The following SIK2 variants were observed in gnomAD, a reference collection of about 807,000 sequenced individuals.
SIK2 encodes serine/threonine-protein kinase SIK2.
Under a neutral mutation model 103.2 loss-of-function variants are expected in SIK2, and 29 were observed. That is an observed-to-expected ratio of 0.28 (90% CI 0.21 to 0.38). The LOEUF is 0.38. Ranked by LOEUF, SIK2 falls within the 10% of genes least tolerant of loss-of-function variation. The probability of loss-of-function intolerance (pLI) is 1.00; values close to 1 mark genes in which losing one functional copy is unlikely to be tolerated. For synonymous variants in SIK2, 412 were observed against 446.1 expected (o/e 0.92, Z 0.96); for missense variants, 879 against 1,171.0 (o/e 0.75, Z 3.64).
intron 4 of SIK2, among the ~76,000 whole-genome samples, chr11:111,695,163 T>C (rs972866717): frequency 4.6e-5 from 7 of 152,232 alleles, no homozygotes; most frequent in Non-Finnish European, 7.3e-5. Context: ...TTCACTCCTA[T>C]TATAATTACA....
At chr11:111,661,734 G>A (rs568833466) in intron 3 of SIK2, among the ~76,000 whole-genome samples, 1 of 152,336 alleles carries the variant, frequency 6.6e-6, no homozygotes, top group South Asian at 2.1e-4. Context: ...GAAGGCGAAG[G>A]AGGAGCAAAG....
intron 3 of SIK2, chr11:111,671,314 T>C (rs150189747): frequency 1.0e-3 from 252 of 247,858 alleles, no homozygotes; most frequent in Middle Eastern, 1.3e-3. Flanking sequence ...CATGTCCTGA[T>C]TGGCCCATTG....
intron 1 of SIK2, among the ~76,000 whole-genome samples, chr11:111,612,635 C>T (rs917214003): frequency 6.6e-6 from 1 of 152,122 alleles, no homozygotes; most frequent in African/African-American, 2.4e-5. Flanking sequence ...TTTTTTCCTT[C>T]TGTCTAGCTG....
intron 9 of SIK2, 64 bp downstream of exon 9, chr11:111,712,439 A>G (rs1042806343): frequency 1.3e-6 from 2 of 1,521,278 alleles, no homozygotes; most frequent in African/African-American, 2.8e-5. Flanking sequence ...TTGGTCCACA[A>G]GTGTTGTACT....
chr11:111,638,877 T>G lies in SIK2; in HGVS notation c.316+18475T>G, dbSNP rs141702374. ...TGTTTAATTTTTTGTTGTTGTTGTTTTTTTGTTTTGTTTTGTTTTGGATGC... is the reference window on the plus strand; with the variant it reads ...TGTTTAATTTTTTGTTGTTGTTGTTGTTTTGTTTTGTTTTGTTTTGGATGC... On this transcript the variant is annotated intron_variant, in intron 3 of 14. Coordinates refer to ENST00000304987, the MANE Select transcript of SIK2 (RefSeq NM_015191.3). Among the ~76,000 whole-genome samples, 1,507 of 152,302 alleles carry G rather than the reference T, an allele frequency of 9.9e-3. 26 individuals are homozygous for G. Among genetic ancestry groups the G allele is most frequent in the South Asian group, 9.7e-3 (47 of 4,830 alleles).
chr11:111,634,797 A>G (rs1372953856), intron 3 of SIK2, among the ~76,000 whole-genome samples: 1 of 152,238 alleles, frequency 6.6e-6, no homozygotes, highest in African/African-American at 2.4e-5. Flanking sequence ...TTCCGGGCAC[A>G]TGTTGTATGG....
At chr11:111,621,456 TTA>T (rs1313791555) in intron 3 of SIK2, among the ~76,000 whole-genome samples, 1 of 151,338 alleles carries the variant, frequency 6.6e-6, no homozygotes, top group Non-Finnish European at 1.5e-5. Context: ...GCAAGTAGTA[TTA>T]TATTATATGA....
At chr11:111,649,776 ATGG>A (rs1942304393) in intron 3 of SIK2, among the ~76,000 whole-genome samples, 2 of 152,270 alleles carry the variant, frequency 1.3e-5, no homozygotes, top group African/African-American at 4.8e-5. Context: ...TGATGTCATG[ATGG>A]TGGTGGGAGT....
chr11:111,658,865 T>C (rs1220649355), intron 3 of SIK2, among the ~76,000 whole-genome samples: 1 of 152,038 alleles, frequency 6.6e-6, no homozygotes, highest in Non-Finnish European at 1.5e-5. Flanking sequence ...CAGAACTCAT[T>C]TGGGGAAGAG....
intron 4 of SIK2, among the ~76,000 whole-genome samples, chr11:111,698,871 C>G (rs1943144222): frequency 6.6e-6 from 1 of 152,216 alleles, no homozygotes; most frequent in Non-Finnish European, 1.5e-5. Flanking sequence ...GCTTCTTGTG[C>G]TGCTTTATCC....
chr11:111,651,216 A>T (rs1942322300), intron 3 of SIK2, among the ~76,000 whole-genome samples: 1 of 152,196 alleles, frequency 6.6e-6, no homozygotes, highest in Non-Finnish European at 1.5e-5. Flanking sequence ...TCTGAGTTTG[A>T]ATTGGAAACT....
intron 3 of SIK2, chr11:111,671,781 C>T (rs1942631079): frequency 7.2e-6 from 3 of 419,050 alleles, no homozygotes; most frequent in Admixed American, 3.0e-5. Context: ...ATGTAAGCTT[C>T]ATCCACATCC....
chr11:111,645,962 T>G (rs1203074570), intron 3 of SIK2, among the ~76,000 whole-genome samples: 2 of 152,164 alleles, frequency 1.3e-5, no homozygotes, highest in Admixed American at 6.5e-5. Context: ...GGTGGTTATG[T>G]AGGTATTTAT....
intron 4 of SIK2, among the ~76,000 whole-genome samples, chr11:111,699,471 T>C (rs950493349): frequency 6.6e-5 from 10 of 152,176 alleles, no homozygotes; most frequent in East Asian, 3.8e-4. Context: ...CACAGCATCC[T>C]ATCTGGGTAG....
intron 1 of SIK2, among the ~76,000 whole-genome samples, chr11:111,614,637 A>G (rs1941779283): frequency 1.3e-5 from 2 of 152,190 alleles, no homozygotes; most frequent in Non-Finnish European, 2.9e-5. Context: ...GAGGAGAAAG[A>G]AGAGAAGTTG....
intron 4 of SIK2, among the ~76,000 whole-genome samples, chr11:111,694,201 T>C (rs939795407): frequency 1.3e-5 from 2 of 152,216 alleles, no homozygotes; most frequent in African/African-American, 4.8e-5. Context: ...AGCCTTAAAA[T>C]TTTAATAGCC....
At chr11:111,672,337 C>A (rs1942640359) in intron 3 of SIK2, 1 of 471,210 alleles carries the variant, frequency 2.1e-6, no homozygotes, top group East Asian at 4.8e-5. Flanking sequence ...CGTGGAGGAG[C>A]AGCTGCTGAA....
rs116525824 is a variant in SIK2 at position 111,702,215 on chromosome 11, A to G, written c.727+640A>G. Among the ~76,000 whole-genome samples, 1,225 of 152,238 alleles carry G rather than the reference A, an allele frequency of 8.0e-3. 27 individuals are homozygous for G. Among genetic ancestry groups the G allele is most frequent in the African/African-American group, 0.028 (1,145 of 41,522 alleles). ...CTTTCACAAGTTTTGTCTCCTCTCT[A>G]TCTGCTTCAATTTCCCCATCTATAA... is the stretch of plus-strand genomic sequence containing the variant. On this transcript the variant is annotated intron_variant, in intron 6 of 14. Coordinates refer to ENST00000304987, the MANE Select transcript of SIK2 (RefSeq NM_015191.3).
At chr11:111,603,776 T>A (rs899265910) in intron 1 of SIK2, among the ~76,000 whole-genome samples, 2 of 152,254 alleles carry the variant, frequency 1.3e-5, no homozygotes, top group Non-Finnish European at 2.9e-5. Context: ...TTTCATCCTT[T>A]TCCTGTTTGT....
Sources: allele counts gnomAD v4.1 joint callset (sites outside exome capture counted in the v4.1 genomes callset), GRCh38; gene constraint gnomAD v4.1.1; transcripts MANE v1.5; gene names NCBI Gene and HGNC (gene_info 2026-07-23, HGNC 2026-07-21).